The following IFT88 variants were observed in gnomAD, a reference collection of about 807,000 sequenced individuals.
The protein encoded by IFT88 is intraflagellar transport protein 88 homolog.
IFT88 carries 74 observed loss-of-function variants against 119.5 expected under a neutral mutation model. The ratio of observed to expected loss-of-function variants is 0.62; its 90% CI spans 0.51 to 0.75. The LOEUF (loss-of-function observed/expected upper bound fraction) is 0.75, where lower values mean the gene tolerates loss of function less well. IFT88 is among the 30% of genes least tolerant of loss of function. The pLI is 0.00. For synonymous variants in IFT88, 279 were observed against 316.7 expected (o/e 0.88, Z 1.26); for missense variants, 961 against 977.7 (o/e 0.98, Z 0.23).
chr13:20,687,476 G>T (rs900649587), intron 24 of IFT88, among the ~76,000 whole-genome samples: 2 of 152,182 alleles, frequency 1.3e-5, no homozygotes, highest in African/African-American at 4.8e-5. Context: ...CAGTCAGGAA[G>T]GCTGGGTTTT....
intron 13 of IFT88, chr13:20,607,972 C>G (rs554628895): frequency 1.6e-6 from 1 of 607,786 alleles, no homozygotes. Flanking sequence ...GCACCTCCTC[C>G]TGGCACCACA....
chr13:20,594,406 C>T (rs937209675), intron 7 of IFT88, among the ~76,000 whole-genome samples: 1 of 152,114 alleles, frequency 6.6e-6, no homozygotes, highest in East Asian at 1.9e-4. Context: ...ATCAAATGCT[C>T]GTGGCTGAAC....
chr13:20,676,497 G>A (rs1351634031), intron 24 of IFT88, among the ~76,000 whole-genome samples: 16 of 152,204 alleles, frequency 1.1e-4, no homozygotes, highest in Non-Finnish European at 2.1e-4. Flanking sequence ...CACTGCCAGC[G>A]CCCATGTTCT....
At chr13:20,653,475 G>A (rs544673262) in intron 20 of IFT88, among the ~76,000 whole-genome samples, 156 of 152,116 alleles carry the variant, frequency 1.0e-3, no homozygotes, top group African/African-American at 3.5e-3. Flanking sequence ...CTGTTTAGTC[G>A]AAGCCTGATT....
intron 15 of IFT88, among the ~76,000 whole-genome samples, chr13:20,628,943 C>T (rs1399108641): frequency 6.6e-6 from 1 of 152,002 alleles, no homozygotes; most frequent in Non-Finnish European, 1.5e-5. Flanking sequence ...ATTTCCTTGA[C>T]TATAATGTAA....
chr13:20,611,514 C>CAAAAAAAAAA (rs56062553), intron 13 of IFT88, among the ~76,000 whole-genome samples: 1 of 59,074 alleles, frequency 1.7e-5, no homozygotes, highest in Non-Finnish European at 2.9e-5. Flanking sequence ...GACCCAGTCT[C>CAAAAAAAAAA]AAAAAAAAAA....
chr13:20,601,651 T>A (rs2042610946), intron 11 of IFT88, 54 bp from the exon 12 acceptor site: 1 of 1,150,450 alleles, frequency 8.7e-7, no homozygotes, highest in East Asian at 2.4e-5. Flanking sequence ...ATGGTTTGAA[T>A]GCCATACTAA....
chr13:20,635,789 C>T (rs1398151346), intron 16 of IFT88, among the ~76,000 whole-genome samples: 1 of 152,022 alleles, frequency 6.6e-6, no homozygotes, highest in East Asian at 1.9e-4. Context: ...GGCTTAAAAC[C>T]TAGATGACAG....
intron 16 of IFT88, chr13:20,631,465 C>CT (rs2048195213): frequency 1.1e-5 from 2 of 184,494 alleles, no homozygotes; most frequent in Admixed American, 5.5e-5. Context: ...AGTATCAACT[C>CT]TAACAAGCAT....
At chr13:20,673,980 T>C (rs1039509666) in intron 24 of IFT88, among the ~76,000 whole-genome samples, 11 of 152,234 alleles carry the variant, frequency 7.2e-5, no homozygotes, top group African/African-American at 2.4e-4. Flanking sequence ...CATTTGCCTT[T>C]TCGTTCCTTA....
intron 23 of IFT88, among the ~76,000 whole-genome samples, chr13:20,668,802 C>T (rs980353984): frequency 2.0e-5 from 3 of 152,216 alleles, no homozygotes; most frequent in Non-Finnish European, 4.4e-5. Context: ...GCGGACCCAT[C>T]CATGCAGGGT....
At position 20,567,263 on chromosome 13, in the gene IFT88, G is replaced by A. The variant is rs1021563456; in HGVS notation, c.-7+7G>A. ...CCGCTTCCCTCAGCGTGAGGTAGGA[G>A]AAGGGCGCTGGGGCCTAGTGCCTCA... On this transcript the variant is annotated splice_region_variant and intron_variant, in intron 1 of 25. Transcript: ENST00000351808. The A allele has an allele frequency of 2.0e-5, 3 of 152,282 alleles. No homozygotes were observed. The highest frequency in any genetic ancestry group is 4.8e-5 in the African/African-American group (2 of 41,458). The allele number at this position is 152,282 out of a possible 1,614,324, so 9.4% of individuals were successfully genotyped here. A position where few individuals can be genotyped will look rare whatever the true frequency, so the allele number is the denominator to read the frequency against.
chr13:20,589,841 A>G lies in IFT88; in HGVS notation c.184A>G (p.Thr62Ala), dbSNP rs751592736. 1 of 1,599,766 alleles carries G rather than the reference A, an allele frequency of 6.3e-7. No homozygotes were observed. The highest frequency in any genetic ancestry group is 2.2e-5 in the East Asian group (1 of 44,680). ...ITAKISSTAV[T>A]RPIATGYGSK... ...TGCTAAAATATCAAGCACGGCAGTT[A>G]CTAGACCTATAGCTACTGGATATGG... The change falls in exon 4 of 26, where the codon ACT (threonine) becomes GCT (alanine). Residue 62 changes from threonine to alanine, a missense_variant. Coordinates refer to ENST00000351808, the MANE Select transcript of IFT88 (RefSeq NM_006531.5).
In IFT88 at chr13:20,574,409, T is replaced by C; in HGVS notation, c.24T>C (p.Ala8=). The C allele has an allele frequency of 6.2e-7, 1 of 1,611,694 alleles. No individual in the cohort carries two copies. Among genetic ancestry groups the C allele is most frequent in the South Asian group, 1.1e-5 (1 of 90,676 alleles). The change falls in exon 2 of 26, where the codon GCT becomes GCC. Residue 8 remains alanine (A), a synonymous_variant. Transcript: ENST00000351808. Reference sequence around the variant, plus strand: ...AAATGATGCAAAATGTGCACCTGGCTCCAGAGACAGATGAAGATGATCTTT... The same window carrying C: ...AAATGATGCAAAATGTGCACCTGGCCCCAGAGACAGATGAAGATGATCTTT... The part of the protein sequence containing the change: MMQNVHL[A]PETDEDDLYS...
chr13:20,611,712 C>G (rs570667721), intron 13 of IFT88, among the ~76,000 whole-genome samples: 3 of 151,962 alleles, frequency 2.0e-5, no homozygotes, highest in Non-Finnish European at 4.4e-5. Flanking sequence ...TCGAGCGATT[C>G]CCCTGCCTCA....
In IFT88 at chr13:20,586,513, G is replaced by A. The variant is rs551595022; in HGVS notation, c.154-3298G>A. ...ATAAATTAAGAGTTGATTATTACGG[G>A]ATATGTAGAATTGAGATTGACCTTG... On this transcript the variant is annotated intron_variant, in intron 3 of 25. Coordinates refer to ENST00000351808, the MANE Select transcript of IFT88 (RefSeq NM_006531.5). 4.1e-5 allele frequency among the ~76,000 whole-genome samples: 6 copies of A among 146,448 alleles called. No individual in the cohort carries two copies. In the South Asian group the frequency reaches 1.4e-3, roughly 33 times the overall value.
At chr13:20,592,661 G>C (rs140357321) in intron 7 of IFT88, among the ~76,000 whole-genome samples, 223 of 152,116 alleles carry the variant, frequency 1.5e-3, no homozygotes, top group African/African-American at 5.2e-3. Flanking sequence ...GTAGAGATGG[G>C]GTTTTGCCAT....
At chr13:20,578,966 C>T (rs1004016756) in intron 2 of IFT88, among the ~76,000 whole-genome samples, 2 of 152,174 alleles carry the variant, frequency 1.3e-5, no homozygotes, top group Admixed American at 6.5e-5. Context: ...TCAATTTTAT[C>T]TTTTCACAAA....
chr13:20,577,024 T>A (rs1057409912), intron 2 of IFT88, among the ~76,000 whole-genome samples: 2 of 152,210 alleles, frequency 1.3e-5, no homozygotes, highest in Non-Finnish European at 2.9e-5. Context: ...TTTTCTTATG[T>A]CCTCTTCAGT....
Sources: allele counts gnomAD v4.1 joint callset (sites outside exome capture counted in the v4.1 genomes callset), GRCh38; gene constraint gnomAD v4.1.1; transcripts MANE v1.5; gene names NCBI Gene and HGNC (gene_info 2026-07-23, HGNC 2026-07-21).